RAB3GAP2: variants seen among roughly 807,000 people sequenced by gnomAD.
The protein encoded by RAB3GAP2 is RAB3 GTPase activating non-catalytic protein subunit 2.
A neutral mutation model predicts 185.3 loss-of-function variants in RAB3GAP2; 87 were observed. The observed-to-expected ratio is 0.47, with a 90% CI of 0.39 to 0.56. RAB3GAP2 has a LOEUF of 0.56. Among genes scored for constraint, RAB3GAP2 ranks in the 20% least tolerant of loss-of-function variants. RAB3GAP2 has a pLI of 0.00. For missense variants in RAB3GAP2, 1,492 were observed against 1,638.2 expected, an observed-to-expected ratio of 0.91 and a Z score of 1.54; for synonymous variants, 554 against 576.1, an observed-to-expected ratio of 0.96 and a Z score of 0.55.
rs532961907 is a variant in RAB3GAP2 at position 220,161,245 on chromosome 1, AAG to A, written c.3225+951_3225+952del. Among the ~76,000 whole-genome samples, 19 of 152,254 alleles carry A rather than the reference AAG, an allele frequency of 1.2e-4. 1 individual carries two copies. In the South Asian group the frequency reaches 3.7e-3, roughly 30 times the overall value. The stretch of plus-strand genomic sequence containing the variant: ...CAGAAAAATGTTATCAATAACATCA[AAG>A]AGAGTAATTTCAAGGGGAGCAGTGG... On this transcript the variant is annotated intron_variant, in intron 28 of 34. Coordinates refer to ENST00000358951, the MANE Select transcript of RAB3GAP2 (RefSeq NM_012414.4).
chr1:220,272,106 A>G, intron 1 of RAB3GAP2, 117 bp downstream of exon 1: 1 of 863,320 alleles, frequency 1.2e-6, no homozygotes, highest in Non-Finnish European at 1.9e-6. Context: ...AGGCACGGGG[A>G]GAACTGGGGG....
chr1:220,244,569 T>C (rs140181373), intron 1 of RAB3GAP2, among the ~76,000 whole-genome samples: 10,487 of 152,144 alleles, frequency 0.069, 485 homozygotes, highest in South Asian at 0.12. Flanking sequence ...AAAATTCATA[T>C]GGAACAAAAA....
intron 1 of RAB3GAP2, among the ~76,000 whole-genome samples, chr1:220,252,318 T>C (rs1196084126): frequency 6.6e-6 from 1 of 152,054 alleles, no homozygotes; most frequent in African/African-American, 2.4e-5. Context: ...AATATAAAAT[T>C]ACAAATAAAT....
chr1:220,248,181 G>T (rs1659855316), intron 1 of RAB3GAP2, among the ~76,000 whole-genome samples: 1 of 152,056 alleles, frequency 6.6e-6, no homozygotes. Context: ...TCACTTATAA[G>T]TGGAATCTAA....
chr1:220,154,806 C>T (rs1657827443), intron 31 of RAB3GAP2, among the ~76,000 whole-genome samples: 1 of 151,264 alleles, frequency 6.6e-6, no homozygotes, highest in African/African-American at 2.4e-5. Flanking sequence ...CTGCAGCCTC[C>T]ACCTTCCTGG....
chr1:220,182,593 A>T (rs1196669411), intron 20 of RAB3GAP2, 125 bp downstream of exon 20: 5 of 1,180,406 alleles, frequency 4.2e-6, no homozygotes, highest in African/African-American at 1.6e-5. Flanking sequence ...CAAAAAATAC[A>T]GTACATTAAA....
intron 2 of RAB3GAP2, among the ~76,000 whole-genome samples, chr1:220,216,213 T>C (rs1390487009): frequency 6.6e-6 from 1 of 152,198 alleles, no homozygotes; most frequent in Non-Finnish European, 1.5e-5. Context: ...CTAAGGAGGC[T>C]GCACCATCTC....
chr1:220,176,459 A>G (rs1420357171), intron 21 of RAB3GAP2, among the ~76,000 whole-genome samples: 3 of 152,134 alleles, frequency 2.0e-5, no homozygotes, highest in Non-Finnish European at 2.9e-5. Context: ...CAGTCCCCAC[A>G]AGGGGCTTGG....
chr1:220,238,259 G>A (rs928605251), intron 1 of RAB3GAP2, among the ~76,000 whole-genome samples: 1 of 152,090 alleles, frequency 6.6e-6, no homozygotes, highest in African/African-American at 2.4e-5. Context: ...TGCCCAGGCT[G>A]GTGATGTGTG....
At chr1:220,153,033 GTTTTAAAAAATATTCTATTGTTCTA>G in intron 33 of RAB3GAP2, 127 bp downstream of exon 33, 1 of 685,370 alleles carries the variant, frequency 1.5e-6, no homozygotes, top group Non-Finnish European at 2.6e-6. Context: ...ATAATTTTAT[GTTTTAAAAAATATTCTATTGTTCTA>G]TTTTTATACC....
chr1:220,237,265 G>A (rs1448503258), intron 1 of RAB3GAP2, among the ~76,000 whole-genome samples: 2 of 152,160 alleles, frequency 1.3e-5, no homozygotes, highest in Non-Finnish European at 2.9e-5. Flanking sequence ...TTCCGTGAAA[G>A]ACTAGACTAC....
intron 26 of RAB3GAP2, among the ~76,000 whole-genome samples, 180 bp downstream of exon 26, chr1:220,167,113 G>A (rs535597925): frequency 1.3e-5 from 2 of 152,268 alleles, no homozygotes; most frequent in South Asian, 2.1e-4. Flanking sequence ...TACTTCACAG[G>A]TTTACTGGGA....
chr1:220,226,030 A>G (rs989487505), intron 2 of RAB3GAP2, among the ~76,000 whole-genome samples: 2 of 152,198 alleles, frequency 1.3e-5, no homozygotes, highest in African/African-American at 2.4e-5. Flanking sequence ...TTGCCTCTCT[A>G]AACTGTTATA....
intron 1 of RAB3GAP2, chr1:220,266,600 T>C: frequency 9.8e-7 from 1 of 1,015,640 alleles, no homozygotes; most frequent in East Asian, 2.5e-5. Flanking sequence ...CTTTTAGTGT[T>C]CTAGATTGAG....
chr1:220,203,173 C>T (rs1658894909), intron 8 of RAB3GAP2, among the ~76,000 whole-genome samples: 1 of 152,168 alleles, frequency 6.6e-6, no homozygotes, highest in African/African-American at 2.4e-5. Flanking sequence ...TAAAAAGCAA[C>T]AGCACTGTCA....
intron 27 of RAB3GAP2, 145 bp downstream of exon 27, chr1:220,164,588 C>A: frequency 8.5e-7 from 1 of 1,182,916 alleles, no homozygotes; most frequent in Non-Finnish European, 1.2e-6. Flanking sequence ...GACCCTTGCA[C>A]CTCAGCCAAT....
At chr1:220,225,274 T>G (rs1330027522) in intron 2 of RAB3GAP2, among the ~76,000 whole-genome samples, 3 of 152,160 alleles carry the variant, frequency 2.0e-5, no homozygotes, top group African/African-American at 7.2e-5. Flanking sequence ...CAACAGCAAA[T>G]CACTTCACCA....
chr1:220,160,925 T>G (rs962531046), intron 28 of RAB3GAP2, among the ~76,000 whole-genome samples: 14 of 152,348 alleles, frequency 9.2e-5, no homozygotes, highest in African/African-American at 3.1e-4. Context: ...ACATGAGAGA[T>G]AACACATTAT....
rs1452476484 is a variant in RAB3GAP2, at chr1:220,149,492, A to AGTTCATACTACTACTTT, written c.*1742_*1758dup. 6.6e-6 allele frequency: 1 copy of AGTTCATACTACTACTTT among 152,216 alleles called. No individual in the cohort carries two copies. The highest frequency in any genetic ancestry group is 6.5e-5 in the Admixed American group (1 of 15,282). 9.4% of individuals were successfully genotyped at this position (152,216 alleles called of 1,614,324 possible). A position where few individuals can be genotyped will look rare whatever the true frequency, so the allele number is the denominator to read the frequency against. On this transcript the variant is annotated 3_prime_UTR_variant, in exon 35 of 35. Transcript: ENST00000358951. ...CAAGTTTCTTTGACTAGCCTCCTTAAGTTCATACTACTACTTTCAGCGTAC... is the reference window on the plus strand; with the variant it reads ...CAAGTTTCTTTGACTAGCCTCCTTAAGTTCATACTACTACTTTGTTCATACTACTACTTTCAGCGTAC...
Sources: allele counts gnomAD v4.1 joint callset (sites outside exome capture counted in the v4.1 genomes callset), GRCh38; gene constraint gnomAD v4.1.1; transcripts MANE v1.5; gene names NCBI Gene and HGNC (gene_info 2026-07-23, HGNC 2026-07-21).